LRRIQ3: variants seen among roughly 807,000 people sequenced by gnomAD.
LRRIQ3 encodes leucine-rich repeat and IQ domain-containing protein 3.
A neutral mutation model predicts 59.3 loss-of-function variants in LRRIQ3; 75 were observed. The ratio of observed to expected loss-of-function variants is 1.26; its 90% confidence interval spans 1.05 to 1.53. The LOEUF (loss-of-function observed/expected upper bound fraction) is 1.53, where lower values mean the gene tolerates loss of function less well. LRRIQ3 is among the 40% of genes most tolerant of loss of function. The probability of loss-of-function intolerance (pLI) is 0.00; values close to 1 mark genes in which losing one functional copy is unlikely to be tolerated. For missense variants in LRRIQ3, 831 were observed against 710.0 expected, an observed-to-expected ratio of 1.17 and a Z score of -1.94; for synonymous variants, 250 against 231.3, an observed-to-expected ratio of 1.08 and a Z score of -0.73.
intron 5 of LRRIQ3, among the ~76,000 whole-genome samples, chr1:74,103,195 C>T (rs1164437300): frequency 1.3e-5 from 2 of 151,894 alleles, no homozygotes; most frequent in African/African-American, 4.8e-5. Flanking sequence ...GTTTATATTT[C>T]CCTCATTTCC....
intron 3 of LRRIQ3, 36 bp downstream of exon 3, chr1:74,182,502 A>C (rs1650041454): frequency 7.3e-7 from 1 of 1,364,328 alleles, no homozygotes; most frequent in Non-Finnish European, 9.6e-7. Flanking sequence ...CCTTTTATAC[A>C]TTTAATTAAA....
chr1:74,183,430 G>T lies in LRRIQ3; in HGVS notation c.249+6C>A. On this transcript the variant is annotated splice_donor_region_variant and intron_variant, in intron 2 of 7. Coordinates refer to ENST00000354431, the MANE Select transcript of LRRIQ3 (RefSeq NM_001105659.2). ...TATGCAAATATCTGAAATGGCTATTGCTTACCTGATTTCCATGGAGATCAA... is the reference window on the plus strand; with the variant it reads ...TATGCAAATATCTGAAATGGCTATTTCTTACCTGATTTCCATGGAGATCAA... The T allele has an allele frequency of 1.9e-6, 3 of 1,558,074 alleles. No individual in the cohort carries two copies. The highest frequency in any genetic ancestry group is 1.2e-5 in the South Asian group (1 of 81,580).
intron 4 of LRRIQ3, 38 bp downstream of exon 4, chr1:74,155,695 T>A: frequency 1.3e-6 from 2 of 1,515,524 alleles, no homozygotes; most frequent in Non-Finnish European, 1.8e-6. Context: ...TTCACCTTCT[T>A]ATTTCAATAT....
intron 4 of LRRIQ3, among the ~76,000 whole-genome samples, chr1:74,138,976 C>A (rs765606028): frequency 3.3e-5 from 5 of 151,004 alleles, no homozygotes; most frequent in Admixed American, 6.6e-5. Context: ...GAGTTTGAGA[C>A]CAGACCGAAC....
chr1:74,188,012 T>G (rs911705797), intron 1 of LRRIQ3, among the ~76,000 whole-genome samples: 1 of 152,056 alleles, frequency 6.6e-6, no homozygotes, highest in African/African-American at 2.4e-5. Context: ...ACACATGGAA[T>G]CAACCTAAAT....
Position 74,091,282 on chromosome 1 carries a change from G to A in LRRIQ3, c.868-16492C>T, listed in dbSNP as rs111770728. On this transcript the variant is annotated intron_variant, in intron 5 of 7. Coordinates refer to ENST00000354431, the MANE Select transcript of LRRIQ3 (RefSeq NM_001105659.2). ...ATTGTGTCATGGTCAAATATTGGTG[G>A]TGATTCAGTTTCTAGTGGTAGAAAA... Among the ~76,000 whole-genome samples, 422 of 152,200 alleles carry A rather than the reference G, an allele frequency of 2.8e-3. 1 individual carries two copies. The highest frequency in any genetic ancestry group is 9.6e-3 in the African/African-American group (400 of 41,560).
chr1:74,148,515 C>A (rs1015074970), intron 4 of LRRIQ3, among the ~76,000 whole-genome samples: 1 of 151,970 alleles, frequency 6.6e-6, no homozygotes, highest in Non-Finnish European at 1.5e-5. Context: ...TGTGGTTAGG[C>A]CAGTCCTTGG....
intron 4 of LRRIQ3, among the ~76,000 whole-genome samples, chr1:74,141,898 A>G (rs944364738): frequency 6.6e-6 from 1 of 151,838 alleles, no homozygotes; most frequent in Non-Finnish European, 1.5e-5. Flanking sequence ...GAGAGATTAA[A>G]CTGAGTTACC....
At chr1:74,193,733 T>A (rs1398180271) in intron 1 of LRRIQ3, among the ~76,000 whole-genome samples, 2 of 152,046 alleles carry the variant, frequency 1.3e-5, no homozygotes, top group African/African-American at 4.8e-5. Flanking sequence ...TATTAAAATA[T>A]TAGATTTGAT....
intron 4 of LRRIQ3, among the ~76,000 whole-genome samples, chr1:74,140,670 A>G (rs963644828): frequency 1.3e-5 from 2 of 151,852 alleles, no homozygotes; most frequent in Admixed American, 6.6e-5. Context: ...ATGAAATTCA[A>G]AGTCAAAGGA....
intron 5 of LRRIQ3, among the ~76,000 whole-genome samples, chr1:74,095,693 T>G (rs866699113): frequency 2.6e-5 from 4 of 152,194 alleles, no homozygotes; most frequent in Middle Eastern, 6.8e-3. Flanking sequence ...TAGCCATATA[T>G]AACTAAACCA....
chr1:74,110,663 A>G (rs2100564019), intron 4 of LRRIQ3, among the ~76,000 whole-genome samples: 1 of 152,222 alleles, frequency 6.6e-6, no homozygotes, highest in South Asian at 2.1e-4. Flanking sequence ...TAGGAGAAAT[A>G]AAACTAGGAA....
chr1:74,121,363 T>A (rs1646853405), intron 4 of LRRIQ3, among the ~76,000 whole-genome samples: 1 of 152,090 alleles, frequency 6.6e-6, no homozygotes, highest in Non-Finnish European at 1.5e-5. Context: ...ACCAAGTAAC[T>A]TGTGGCTGGA....
At chr1:74,118,541 G>T (rs1308087253) in intron 4 of LRRIQ3, among the ~76,000 whole-genome samples, 2 of 151,654 alleles carry the variant, frequency 1.3e-5, no homozygotes, top group African/African-American at 2.4e-5. Flanking sequence ...TTCTCTCTCG[G>T]TCTCTTCCCA....
chr1:74,186,799 GA>G (rs950577827), intron 1 of LRRIQ3, among the ~76,000 whole-genome samples: 7 of 151,488 alleles, frequency 4.6e-5, no homozygotes, highest in African/African-American at 9.7e-5. Flanking sequence ...ATGTCTATTA[GA>G]AAAAAAATTG....
At chr1:74,153,603 T>C (rs1648118473) in intron 4 of LRRIQ3, among the ~76,000 whole-genome samples, 1 of 152,192 alleles carries the variant, frequency 6.6e-6, no homozygotes, top group African/African-American at 2.4e-5. Flanking sequence ...GTGTCAGGCA[T>C]TCTGTTACAT....
intron 4 of LRRIQ3, among the ~76,000 whole-genome samples, chr1:74,145,327 ACTAGGAATG>A (rs1327578781): frequency 1.3e-5 from 2 of 152,078 alleles, no homozygotes. Context: ...GTAACAGTAA[ACTAGGAATG>A]CTCTCTGGTG....
rs1570063537 is a variant in LRRIQ3 at position 74,069,947 on chromosome 1, A to G, written c.997+4714T>C. Among the ~76,000 whole-genome samples, 3 of 151,238 alleles carry G rather than the reference A, an allele frequency of 2.0e-5. No homozygotes were observed. In the East Asian group the frequency reaches 6.0e-4, roughly 30 times the overall value. On this transcript the variant is annotated intron_variant, in intron 6 of 7. Transcript: ENST00000354431. ...GAAATGCCATCTCGCATTAGTCAGA[A>G]TGGTTATTATAAAAAGTCAAAAAAC...
intron 3 of LRRIQ3, among the ~76,000 whole-genome samples, chr1:74,156,277 GC>G (rs769040887): frequency 8.3e-4 from 127 of 152,104 alleles, no homozygotes; most frequent in Non-Finnish European, 1.6e-3. Flanking sequence ...GTTTCCTGAG[GC>G]CCTTACCAGA....
Sources: gnomAD v4.1 joint callset for allele counts (sites outside exome capture counted in the v4.1 genomes callset) on GRCh38, gnomAD v4.1.1 for gene constraint, MANE v1.5 for transcripts, NCBI Gene and HGNC (gene_info 2026-07-23, HGNC 2026-07-21) for gene names.